Variants in RGS7BP observed in about 807,000 individuals in gnomAD.
The protein encoded by RGS7BP is regulator of G protein signaling 7 binding protein.
Under a neutral mutation model 31.3 loss-of-function variants are expected in RGS7BP, and 9 were observed. That is an observed-to-expected ratio of 0.29 (90% CI 0.17 to 0.50). The LOEUF (loss-of-function observed/expected upper bound fraction) is 0.50, where lower values mean the gene tolerates loss of function less well. Among genes scored for constraint, RGS7BP ranks in the 20% least tolerant of loss-of-function variants. The probability of loss-of-function intolerance (pLI) is 0.98; values close to 1 mark genes in which losing one functional copy is unlikely to be tolerated. For missense variants in RGS7BP, 274 were observed against 322.0 expected (o/e 0.85, Z 1.14); for synonymous variants, 115 against 120.1 (o/e 0.96, Z 0.28).
intron 3 of RGS7BP, among the ~76,000 whole-genome samples, chr5:64,576,549 C>T (rs1742436729): frequency 6.6e-6 from 1 of 152,214 alleles, no homozygotes; most frequent in Admixed American, 6.5e-5. Flanking sequence ...CACATCTGCA[C>T]ACCACACTGT....
At chr5:64,594,933 G>T in intron 4 of RGS7BP, 76 bp downstream of exon 4, 1 of 1,469,642 alleles carries the variant, frequency 6.8e-7, no homozygotes, top group Non-Finnish European at 9.4e-7. Context: ...GAGAGACGAG[G>T]TTTTCTAGTT....
intron 2 of RGS7BP, among the ~76,000 whole-genome samples, chr5:64,508,892 A>T (rs1748761698): frequency 6.6e-6 from 1 of 152,214 alleles, no homozygotes; most frequent in South Asian, 2.1e-4. Context: ...ATGTATAGTG[A>T]TTATAAAGTT....
chr5:64,543,568 G>A (rs1580414866), intron 2 of RGS7BP, among the ~76,000 whole-genome samples: 1 of 152,316 alleles, frequency 6.6e-6, no homozygotes, highest in Admixed American at 6.5e-5. Context: ...AAAAGAAACA[G>A]ATTTGTGCCC....
At position 64,570,077 on chromosome 5, in the gene RGS7BP, C is replaced by T. The variant is rs76038477; in HGVS notation, c.333-5697C>T. 8.3e-3 allele frequency among the ~76,000 whole-genome samples: 1,257 copies of T among 152,070 alleles called. 19 individuals are homozygous for T. The highest frequency in any genetic ancestry group is 0.031 in the East Asian group (160 of 5,168). On this transcript the variant is annotated intron_variant, in intron 2 of 5. Transcript: ENST00000334025. ...CTGAGTGATTGTCAATGAGGTCACA[C>T]TTTTTTTTCCTCAGCCTAATGGCAT...
intron 5 of RGS7BP, among the ~76,000 whole-genome samples, chr5:64,607,677 C>T (rs867575618): frequency 5.9e-5 from 9 of 151,918 alleles, no homozygotes; most frequent in Non-Finnish European, 7.4e-5. Context: ...TCTTATCGGA[C>T]GGAAGGAGTC....
chr5:64,576,804 A>G (rs942369509), intron 3 of RGS7BP, among the ~76,000 whole-genome samples: 3 of 152,218 alleles, frequency 2.0e-5, no homozygotes, highest in African/African-American at 7.2e-5. Context: ...AAAAGTATCC[A>G]TCACCAGAAG....
At chr5:64,538,546 C>CTTTTTTTTTTTTTTTTTCTTTTTT (rs1741443178) in intron 2 of RGS7BP, among the ~76,000 whole-genome samples, 4 of 40,022 alleles carry the variant, frequency 1.0e-4, no homozygotes, top group Non-Finnish European at 1.7e-4. Flanking sequence ...TTTTCCTTTT[C>CTTTTTTTTTTTTTTTTTCTTTTTT]TTTTTTTTTT....
chr5:64,587,455 C>CA (rs1158042882), intron 3 of RGS7BP, among the ~76,000 whole-genome samples: 5 of 152,102 alleles, frequency 3.3e-5, no homozygotes, highest in African/African-American at 9.7e-5. Context: ...TCTTCAAACT[C>CA]AGAGTCCACA....
intron 2 of RGS7BP, among the ~76,000 whole-genome samples, chr5:64,559,416 C>T (rs1742000624): frequency 6.6e-6 from 1 of 152,122 alleles, no homozygotes; most frequent in African/African-American, 2.4e-5. Flanking sequence ...TTTGGGGGAA[C>T]CCTATCAGGT....
chr5:64,584,156 A>G (rs1742676832), intron 3 of RGS7BP, among the ~76,000 whole-genome samples: 1 of 152,216 alleles, frequency 6.6e-6, no homozygotes, highest in Non-Finnish European at 1.5e-5. Context: ...GAAATAAAGG[A>G]TAGTAGCACA....
chr5:64,545,163 G>A (rs1344648926), intron 2 of RGS7BP, among the ~76,000 whole-genome samples: 3 of 150,406 alleles, frequency 2.0e-5, no homozygotes, highest in Non-Finnish European at 2.9e-5. Context: ...GTGACAGAGT[G>A]AGACAATGTC....
chr5:64,549,660 T>C (rs138376138), intron 2 of RGS7BP, among the ~76,000 whole-genome samples: 2 of 152,350 alleles, frequency 1.3e-5, no homozygotes, highest in African/African-American at 4.8e-5. Context: ...CATCCCCTTC[T>C]GTTCAAACTG....
intron 2 of RGS7BP, among the ~76,000 whole-genome samples, chr5:64,514,992 T>G (rs568918595): frequency 8.0e-4 from 122 of 152,334 alleles, no homozygotes; most frequent in African/African-American, 2.9e-3. Flanking sequence ...TTAATAGATG[T>G]TCCAATTAGA....
At chr5:64,583,020 T>C (rs1000284490) in intron 3 of RGS7BP, among the ~76,000 whole-genome samples, 7 of 152,196 alleles carry the variant, frequency 4.6e-5, no homozygotes, top group African/African-American at 1.7e-4. Context: ...CATGCATTCA[T>C]TCTTTGAAGA....
At chr5:64,537,782 A>G (rs1329016135) in intron 2 of RGS7BP, among the ~76,000 whole-genome samples, 2 of 152,212 alleles carry the variant, frequency 1.3e-5, no homozygotes, top group Non-Finnish European at 2.9e-5. Flanking sequence ...AGAGTCTGTC[A>G]TATGAAGAAT....
rs142705865 is a variant in RGS7BP at position 64,587,515 on chromosome 5, G to A, written c.464-7195G>A. 2.6e-5 allele frequency among the ~76,000 whole-genome samples: 4 copies of A among 152,200 alleles called. No homozygotes were observed. In the East Asian group the frequency reaches 7.7e-4, roughly 29 times the overall value. On this transcript the variant is annotated intron_variant, in intron 3 of 5. Coordinates refer to ENST00000334025, the MANE Select transcript of RGS7BP (RefSeq NM_001029875.3). The stretch of plus-strand genomic sequence containing the variant: ...TGGAACTGCTGTCAGGAAAATTAAT[G>A]CTCAAAATTGCATTAAGGAAAAGCT...
chr5:64,582,654 G>A (rs1742633398), intron 3 of RGS7BP, among the ~76,000 whole-genome samples: 1 of 152,180 alleles, frequency 6.6e-6, no homozygotes, highest in Non-Finnish European at 1.5e-5. Flanking sequence ...TCACAAAAGG[G>A]AAAGAATAGA....
At position 64,506,433 on chromosome 5, in the gene RGS7BP, C is replaced by T; in HGVS notation, c.-192C>T. 6.4e-6 allele frequency: 3 copies of T among 468,442 alleles called. No homozygotes were observed. The highest frequency in any genetic ancestry group is 1.1e-5 in the Non-Finnish European group (3 of 265,618). 29.0% of individuals were successfully genotyped at this position (468,442 alleles called of 1,614,324 possible). A position where few individuals can be genotyped will look rare whatever the true frequency, so the allele number is the denominator to read the frequency against. ...CGCTGCTAGTGGAAGCGATGCTGCA[C>T]GGCACAGCTAGCGCTTCCCCGGCTC... On this transcript the variant is annotated 5_prime_UTR_variant, in exon 1 of 6. It adds an upstream start codon to the 5' untranslated region. Coordinates refer to ENST00000334025, the MANE Select transcript of RGS7BP (RefSeq NM_001029875.3). The surrounding 1 kb of genome is among the most constrained non-coding windows in gnomAD (Gnocchi z 4.6).
At position 64,554,147 on chromosome 5, in the gene RGS7BP, T is replaced by C. The variant is rs144326307; in HGVS notation, c.333-21627T>C. ...GTTTGGCTTGGTCAATCGGGAACTCTGGCAGGACATTGGAAGGAAGGAGAA... is the reference window on the plus strand; with the variant it reads ...GTTTGGCTTGGTCAATCGGGAACTCCGGCAGGACATTGGAAGGAAGGAGAA... On this transcript the variant is annotated intron_variant, in intron 2 of 5. Coordinates refer to ENST00000334025, the MANE Select transcript of RGS7BP (RefSeq NM_001029875.3). Among the ~76,000 whole-genome samples the C allele has an allele frequency of 1.1e-3, 166 of 152,322 alleles. 1 individual carries two copies. Among genetic ancestry groups the C allele is most frequent in the African/African-American group, 3.7e-3 (153 of 41,574 alleles).
Sources: allele counts gnomAD v4.1 joint callset (sites outside exome capture counted in the v4.1 genomes callset), GRCh38; gene constraint gnomAD v4.1.1; non-coding constraint Gnocchi (gnomAD v3.1); transcripts MANE v1.5; gene names NCBI Gene and HGNC (gene_info 2026-07-23, HGNC 2026-07-21).